Variants in TMEM132D observed in about 807,000 individuals in gnomAD.
TMEM132D encodes the protein mature OL transmembrane protein.
In TMEM132D, 21 loss-of-function variants were observed where a neutral mutation model predicts 62.3. The observed-to-expected ratio is 0.34, with a 90% confidence interval of 0.24 to 0.49. The LOEUF (loss-of-function observed/expected upper bound fraction) is 0.49. TMEM132D is among the 20% of genes least tolerant of loss of function. The pLI is 0.99. For synonymous variants in TMEM132D, 621 were observed against 575.6 expected (o/e 1.08, Z -1.13); for missense variants, 1,346 against 1,402.8 (o/e 0.96, Z 0.65).
intron 3 of TMEM132D, among the ~76,000 whole-genome samples, chr12:129,384,446 T>TA (rs1399118943): frequency 6.6e-6 from 1 of 150,554 alleles, no homozygotes; most frequent in Non-Finnish European, 1.5e-5. Flanking sequence ...AGACAAAAAT[T>TA]AAAAAAAGTC....
chr12:129,501,101 G>A (rs1273262473), intron 3 of TMEM132D, among the ~76,000 whole-genome samples: 3 of 152,168 alleles, frequency 2.0e-5, no homozygotes, highest in African/African-American at 7.2e-5. Context: ...ATCAAGACAA[G>A]ATTTATTCCC....
intron 5 of TMEM132D, among the ~76,000 whole-genome samples, chr12:129,123,601 CAACTT>C (rs58837168): frequency 0.14 from 21,522 of 152,102 alleles, 1,684 homozygotes; most frequent in Non-Finnish European, 0.18. Context: ...CTTTATGTGT[CAACTT>C]GACTGGGTTA....
At chr12:129,701,000 G>A (rs184991379) in intron 1 of TMEM132D, among the ~76,000 whole-genome samples, 1 of 152,214 alleles carries the variant, frequency 6.6e-6, no homozygotes, top group Admixed American at 6.5e-5. Flanking sequence ...GTTTTTATGG[G>A]GTTATGGTAA....
At chr12:129,197,862 G>T (rs1878592503) in intron 5 of TMEM132D, among the ~76,000 whole-genome samples, 1 of 152,176 alleles carries the variant, frequency 6.6e-6, no homozygotes, top group South Asian at 2.1e-4. Flanking sequence ...CCCATGGAAT[G>T]GGAGAAAATA....
At chr12:129,311,952 A>T (rs1485130436) in intron 4 of TMEM132D, among the ~76,000 whole-genome samples, 1 of 152,176 alleles carries the variant, frequency 6.6e-6, no homozygotes, top group Non-Finnish European at 1.5e-5. Flanking sequence ...AAGCACTTTG[A>T]ATTTTATTCT....
chr12:129,266,076 C>G (rs554978430), intron 4 of TMEM132D, among the ~76,000 whole-genome samples: 4 of 151,902 alleles, frequency 2.6e-5, no homozygotes, highest in Non-Finnish European at 4.4e-5. Flanking sequence ...GTCTTGGCTC[C>G]TCTATGTAGA....
intron 3 of TMEM132D, among the ~76,000 whole-genome samples, chr12:129,516,317 T>C (rs1056525107): frequency 1.6e-4 from 24 of 152,218 alleles, no homozygotes; most frequent in Non-Finnish European, 3.2e-4. Context: ...TCCCCAGTGT[T>C]TGAAACCTAG....
chr12:129,221,068 G>C (rs977816916), intron 4 of TMEM132D, among the ~76,000 whole-genome samples: 1 of 152,138 alleles, frequency 6.6e-6, no homozygotes, highest in Non-Finnish European at 1.5e-5. Context: ...TATTTTCCAG[G>C]TCCTTACAGT....
intron 3 of TMEM132D, among the ~76,000 whole-genome samples, chr12:129,444,537 T>C (rs1017589508): frequency 6.6e-6 from 1 of 152,160 alleles, no homozygotes; most frequent in Non-Finnish European, 1.5e-5. Context: ...CCATGGTGGT[T>C]TGCTGCACCT....
At chr12:129,522,722 A>G (rs1251957014) in intron 3 of TMEM132D, 1 of 150,586 alleles carries the variant, frequency 6.6e-6, no homozygotes, top group African/African-American at 2.4e-5. Context: ...CATCAGAAAC[A>G]GTGACTGCAA....
At chr12:129,147,270 A>ATG (rs773975569) in intron 5 of TMEM132D, among the ~76,000 whole-genome samples, 104 of 150,200 alleles carry the variant, frequency 6.9e-4, no homozygotes, top group African/African-American at 2.4e-3. Context: ...ATATGTGCAT[A>ATG]TGTATATATA....
intron 5 of TMEM132D, among the ~76,000 whole-genome samples, chr12:129,202,078 A>T (rs1451909201): frequency 1.3e-5 from 2 of 152,166 alleles, no homozygotes; most frequent in East Asian, 3.8e-4. Context: ...GACGCAATTT[A>T]CAATTCAACG....
At position 129,086,201 on chromosome 12, in the gene TMEM132D, C is replaced by CGTGTGTGTGT. The variant is rs1218792744; in HGVS notation, c.1444-1509_1444-1500dup. 4.7e-3 allele frequency among the ~76,000 whole-genome samples: 661 copies of CGTGTGTGTGT among 141,100 alleles called. 5 individuals carry two copies. Among genetic ancestry groups the CGTGTGTGTGT allele is most frequent in the African/African-American group, 0.013 (466 of 36,004 alleles). The allele number at this position is 141,100 out of a possible 152,430, so 92.6% of individuals were successfully genotyped here. Reference sequence around the variant, plus strand: ...ATCACCTCACATAGTCACGCGCGCGCGTGTGTGTGTGTGTGTGTGTGTGTG... The same window carrying CGTGTGTGTGT: ...ATCACCTCACATAGTCACGCGCGCGCGTGTGTGTGTGTGTGTGTGTGTGTGTGTGTGTGTG... On this transcript the variant is annotated intron_variant, in intron 5 of 8. Coordinates refer to ENST00000422113, the MANE Select transcript of TMEM132D (RefSeq NM_133448.3).
intron 1 of TMEM132D, among the ~76,000 whole-genome samples, chr12:129,741,589 T>C (rs1869610760): frequency 6.6e-6 from 1 of 152,200 alleles, no homozygotes; most frequent in Non-Finnish European, 1.5e-5. Context: ...GTTCTCTCCC[T>C]GGATGGCAAG....
chr12:129,710,378 C>T (rs1409817241), intron 1 of TMEM132D, among the ~76,000 whole-genome samples: 1 of 152,166 alleles, frequency 6.6e-6, no homozygotes, highest in Non-Finnish European at 1.5e-5. Flanking sequence ...TCACTGCAAC[C>T]TCCACCTCCC....
intron 3 of TMEM132D, among the ~76,000 whole-genome samples, chr12:129,524,259 A>G (rs1875944459): frequency 6.6e-6 from 1 of 150,788 alleles, no homozygotes; most frequent in African/African-American, 2.4e-5. Flanking sequence ...TAAAAAGGTG[A>G]AAAAAAAAGA....
At chr12:129,821,490 A>T (rs1050139227) in intron 1 of TMEM132D, among the ~76,000 whole-genome samples, 1 of 152,218 alleles carries the variant, frequency 6.6e-6, no homozygotes, top group Admixed American at 6.5e-5. Flanking sequence ...CTGCCAGCCC[A>T]TAATTTCAGG....
At position 129,825,163 on chromosome 12, in the gene TMEM132D, G is replaced by T. The variant is rs115540430; in HGVS notation, c.79+78098C>A. On this transcript the variant is annotated intron_variant, in intron 1 of 8. Coordinates refer to ENST00000422113, the MANE Select transcript of TMEM132D (RefSeq NM_133448.3). ...CAAGTAGCTGGGATTACAGGCACAG[G>T]CCACCCGGGTAATTTTTGTATTTTT... 3.5e-3 allele frequency among the ~76,000 whole-genome samples: 535 copies of T among 151,456 alleles called. 2 individuals are homozygous for T. The highest frequency in any genetic ancestry group is 0.012 in the African/African-American group (484 of 41,366).
At chr12:129,726,271 C>T (rs1446387629) in intron 1 of TMEM132D, among the ~76,000 whole-genome samples, 2 of 152,164 alleles carry the variant, frequency 1.3e-5, no homozygotes, top group Admixed American at 6.5e-5. Context: ...AGGAGTCCTT[C>T]CAATGAATCC....
Sources: allele counts gnomAD v4.1 joint callset (sites outside exome capture counted in the v4.1 genomes callset), GRCh38; gene constraint gnomAD v4.1.1; transcripts MANE v1.5; gene names NCBI Gene and HGNC (gene_info 2026-07-23, HGNC 2026-07-21).